Variants in ZNF283 observed in about 807,000 individuals in gnomAD.
The protein encoded by ZNF283 is zinc finger protein 283, also known as zinc finger protein 41.
A neutral mutation model predicts 9.2 loss-of-function variants in ZNF283; 10 were observed. The observed-to-expected ratio is 1.09, with a 90% CI of 0.67 to 1.85. The LOEUF is 1.85. Among genes scored for constraint, ZNF283 ranks in the 40% most tolerant of loss-of-function variants. The pLI, the probability that ZNF283 is intolerant of heterozygous loss-of-function variation, is 0.00. For synonymous variants in ZNF283, 234 were observed against 244.1 expected (o/e 0.96, Z 0.38); for missense variants, 631 against 760.1 (o/e 0.83, Z 2.00).
rs1235301740 is a variant in ZNF283 at position 43,848,545 on chromosome 19, T to C, written c.1944T>C (p.His648=). ...CGSKLVHERT[H]SNDKPYKYNE... is the part of the protein sequence containing the mutation. ...CAAAACTTGTTCATGAGAGAACTCA[T>C]AGTAATGATAAACCCTACAAATATA... Residue 648 remains histidine (H), a synonymous_variant, in exon 7 of 7, where the codon CAT becomes CAC. Coordinates refer to ENST00000618787, the MANE Select transcript of ZNF283 (RefSeq NM_181845.2). The C allele has an allele frequency of 1.2e-6, 2 of 1,611,502 alleles. No homozygotes were observed. The highest frequency in any genetic ancestry group is 2.7e-5 in the African/African-American group (2 of 74,844).
At chr19:43,838,048 T>C (rs73938018) in intron 6 of ZNF283, 12,425 of 152,294 alleles carry the variant, frequency 0.082, 551 homozygotes, top group Middle Eastern at 0.11. Flanking sequence ...TGTGATGCTT[T>C]TGAAGATTAC....
At chr19:43,842,057 C>G (rs575393862) in intron 6 of ZNF283, among the ~76,000 whole-genome samples, 204 of 152,118 alleles carry the variant, frequency 1.3e-3, no homozygotes, top group Non-Finnish European at 2.6e-3. Context: ...ACCATTGTAT[C>G]TTCAAATACT....
At chr19:43,836,064 A>C (rs187366905) in intron 5 of ZNF283, among the ~76,000 whole-genome samples, 1 of 152,320 alleles carries the variant, frequency 6.6e-6, no homozygotes, top group East Asian at 1.9e-4. Flanking sequence ...GATGATGCCT[A>C]AGGTCTAGAT....
Position 43,846,983 on chromosome 19 carries a change from AATG to A in ZNF283, c.385_387del (p.Asp129del). 1.9e-6 allele frequency: 3 copies of A among 1,585,380 alleles called. No homozygotes were observed. Among genetic ancestry groups the A allele is most frequent in the Non-Finnish European group, 2.6e-6 (3 of 1,167,118 alleles). On this transcript the variant is annotated inframe_deletion, in exon 7 of 7. Transcript: ENST00000618787. The stretch of plus-strand genomic sequence containing the variant: ...TGAGACCAAAAAAATATTTTCAGAA[AATG>A]ATATTTTTGAAATAAATTTTTCCCA...
In ZNF283 at chr19:43,850,522, C is replaced by T. The variant is rs1362325471; in HGVS notation, c.*1881C>T. On this transcript the variant is annotated 3_prime_UTR_variant, in exon 7 of 7. Coordinates refer to ENST00000618787, the MANE Select transcript of ZNF283 (RefSeq NM_181845.2). ...TGGTGTGATTTCGGCTCACTGCAAC[C>T]TGCACCTCTCGGGTTCAAGTGATTC... 1 of 152,084 alleles carries T rather than the reference C, an allele frequency of 6.6e-6. No homozygotes were observed. The highest frequency in any genetic ancestry group is 1.5e-5 in the Non-Finnish European group (1 of 68,082). 9.4% of individuals were successfully genotyped at this position (152,084 alleles called of 1,614,324 possible).
intron 3 of ZNF283, among the ~76,000 whole-genome samples, chr19:43,832,091 T>C (rs1970736390): frequency 6.6e-6 from 1 of 152,220 alleles, no homozygotes; most frequent in African/African-American, 2.4e-5. Context: ...TTCTAGGTTT[T>C]ATGTTAATCT....
chr19:43,837,051 AG>A lies in ZNF283; in HGVS notation c.213del. 3.1e-6 allele frequency: 5 copies of A among 1,613,552 alleles called. No homozygotes were observed. The highest frequency in any genetic ancestry group is 4.2e-6 in the Non-Finnish European group (5 of 1,179,862). ...AAGTAATACATGGGTTTTTGGTTTT[AG>A]GGGTTGGTGACATTCAGGGATGTGG... On this transcript the variant is annotated splice_acceptor_variant, in intron 5 of 6. Coordinates refer to ENST00000618787, the MANE Select transcript of ZNF283 (RefSeq NM_181845.2). LOFTEE classifies it high-confidence loss of function.
chr19:43,835,480 T>G, intron 4 of ZNF283, 25 bp from the exon 5 acceptor site: 1 of 1,548,340 alleles, frequency 6.5e-7, no homozygotes, highest in Non-Finnish European at 8.9e-7. Flanking sequence ...CACACCTGGT[T>G]TAACGCTTCG....
At chr19:43,837,317 C>A in intron 6 of ZNF283, 138 bp downstream of exon 6, 2 of 889,496 alleles carry the variant, frequency 2.2e-6, no homozygotes, top group Non-Finnish European at 1.6e-6. Context: ...TTTATACTTG[C>A]TGGGTTAGAA....
At chr19:43,840,006 T>C (rs1971135064) in intron 6 of ZNF283, among the ~76,000 whole-genome samples, 1 of 152,178 alleles carries the variant, frequency 6.6e-6, no homozygotes. Flanking sequence ...AAACTGGGCA[T>C]TTTGAGTATT....
At position 43,848,301 on chromosome 19, in the gene ZNF283, G is replaced by C; in HGVS notation, c.1700G>C (p.Gly567Ala). 6.2e-7 allele frequency: 1 copy of C among 1,613,512 alleles called. No homozygotes were observed. ...ACTCAACATCAGAAAATTCATACCGGTGAGAAACCTTTCAAATGTAAGGAA... is the reference window on the plus strand; with the variant it reads ...ACTCAACATCAGAAAATTCATACCGCTGAGAAACCTTTCAAATGTAAGGAA... ...HLTQHQKIHT[G>A]EKPFKCKECG... Residue 567 changes from glycine (G) to alanine (A), a missense_variant, in exon 7 of 7, where the codon GGT (glycine) becomes GCT (alanine). By Grantham distance (60) the Gly-to-Ala change is moderately conservative (BLOSUM62 0). This residue lies in a region of ZNF283 where 444 missense variants were observed against 522.5 expected (regional missense o/e 0.85). Coordinates refer to ENST00000618787, the MANE Select transcript of ZNF283 (RefSeq NM_181845.2).
chr19:43,832,083 C>A (rs895356578), intron 3 of ZNF283, among the ~76,000 whole-genome samples: 11 of 151,110 alleles, frequency 7.3e-5, no homozygotes, highest in Non-Finnish European at 1.6e-4. Flanking sequence ...CAACCCAGTT[C>A]TAGGTTTTAT....
At chr19:43,832,176 G>T (rs555766060) in intron 3 of ZNF283, among the ~76,000 whole-genome samples, 113 of 152,092 alleles carry the variant, frequency 7.4e-4, no homozygotes, top group Non-Finnish European at 1.4e-3. Flanking sequence ...CAACTTCTGG[G>T]ATTATAGAAA....
At chr19:43,843,249 G>C (rs577874001) in intron 6 of ZNF283, among the ~76,000 whole-genome samples, 6 of 152,322 alleles carry the variant, frequency 3.9e-5, no homozygotes, top group Admixed American at 3.9e-4. Context: ...GCTGAGGCAG[G>C]AGAATCGCTT....
At chr19:43,842,092 C>A (rs1393426124) in intron 6 of ZNF283, among the ~76,000 whole-genome samples, 2 of 152,128 alleles carry the variant, frequency 1.3e-5, no homozygotes, top group African/African-American at 2.4e-5. Context: ...TAGTACTTTT[C>A]CTCCTCCTAA....
At chr19:43,835,639 G>A (rs375340565) in intron 5 of ZNF283, 47 bp downstream of exon 5, 112 of 1,382,348 alleles carry the variant, frequency 8.1e-5, no homozygotes, top group Admixed American at 1.7e-4. Flanking sequence ...TTTTTAGGGC[G>A]TGTGAATCTT....
chr19:43,834,605 A>T (rs1304487772), intron 4 of ZNF283, among the ~76,000 whole-genome samples: 13 of 151,260 alleles, frequency 8.6e-5, no homozygotes, highest in Admixed American at 8.6e-4. Context: ...TTATTTATTT[A>T]TTTTTTTCGA....
rs774024556 is a variant in ZNF283 at position 43,847,784 on chromosome 19, A to G, written c.1183A>G (p.Ile395Val). 6 of 1,613,828 alleles carry G rather than the reference A, an allele frequency of 3.7e-6. No homozygotes were observed. The African/African-American group carries it at 8.0e-5, about 22-fold the overall frequency. Reference protein sequence around the residue: ...CWGYQLTRHQIFHTGEKPYEC... With the variant: ...CWGYQLTRHQVFHTGEKPYEC... ...GGGCTATCAACTTACTCGACATCAG[A>G]TATTTCATACTGGTGAGAAACCCTA... The change falls in exon 7 of 7, where the codon ATA becomes GTA. Residue 395 changes from isoleucine (I) to valine (V), a missense_variant. By Grantham distance (29) the Ile-to-Val change is conservative. Transcript: ENST00000618787.
At position 43,829,217 on chromosome 19, in the gene ZNF283, C is replaced by T. The variant is rs567753345; in HGVS notation, c.-65+936C>T. On this transcript the variant is annotated intron_variant, in intron 2 of 6. Transcript: ENST00000618787. ...TGGCTAACACGGTGAAACCCCGTCT[C>T]CACTAAAAATACAAAAAATTAGCTG... Among the ~76,000 whole-genome samples the T allele has an allele frequency of 2.0e-3, 300 of 152,186 alleles. 2 individuals carry two copies. The highest frequency in any genetic ancestry group is 7.1e-3 in the African/African-American group (293 of 41,526).
Sources: gnomAD v4.1 joint callset for allele counts (sites outside exome capture counted in the v4.1 genomes callset) on GRCh38, gnomAD v4.1.1 for gene constraint, gnomAD v4.1.1 regional missense constraint, MANE v1.5 for transcripts, NCBI Gene and HGNC (gene_info 2026-07-23, HGNC 2026-07-21) for gene names.